The following MFSD11 variants were observed in gnomAD, a reference collection of about 807,000 sequenced individuals.
MFSD11 encodes UNC93-like protein MFSD11.
A neutral mutation model predicts 53.5 loss-of-function variants in MFSD11; 36 were observed. That is an observed-to-expected ratio of 0.67 (90% confidence interval 0.52 to 0.89). MFSD11 has a LOEUF of 0.89. Among genes scored for constraint, MFSD11 ranks in the 40% least tolerant of loss-of-function variants. MFSD11 has a pLI of 0.00. For missense variants in MFSD11, 530 were observed against 543.9 expected, an observed-to-expected ratio of 0.97 and a Z score of 0.25; for synonymous variants, 186 against 184.9, an observed-to-expected ratio of 1.01 and a Z score of -0.05.
At chr17:76,742,657 C>T (rs1327015087) in intron 5 of MFSD11, among the ~76,000 whole-genome samples, 1 of 152,078 alleles carries the variant, frequency 6.6e-6, no homozygotes, top group Admixed American at 6.6e-5. Context: ...CGCCCACCAC[C>T]ACGCCCGGCT....
chr17:76,768,943 G>A (rs143047770), intron 9 of MFSD11, among the ~76,000 whole-genome samples: 2,847 of 146,698 alleles, frequency 0.019, 83 homozygotes, highest in African/African-American at 0.067. Flanking sequence ...TTGAGATAGC[G>A]CCACTGCACT....
intron 10 of MFSD11, among the ~76,000 whole-genome samples, chr17:76,772,731 T>A (rs952457514): frequency 2.6e-5 from 4 of 152,100 alleles, no homozygotes; most frequent in African/African-American, 9.7e-5. Context: ...TTGGCCAGGC[T>A]GGTCTCAATC....
Position 76,743,390 on chromosome 17 carries a change from T to C in MFSD11, c.438-8T>C. The C allele has an allele frequency of 6.4e-7, 1 of 1,563,954 alleles. No individual in the cohort carries two copies. ...CCCAACATCCTATCCTCCCTTTTCT[T>C]CCCCCAGCTTGTTCTTTGGAAATCT... On this transcript the variant is annotated splice_polypyrimidine_tract_variant and splice_region_variant and intron_variant, in intron 5 of 12. Transcript: ENST00000685175.
intron 8 of MFSD11, among the ~76,000 whole-genome samples, chr17:76,755,784 G>A (rs62086791): frequency 0.43 from 9,652 of 22,362 alleles, 3,568 homozygotes; most frequent in East Asian, 0.74. Flanking sequence ...GTGTGTGTGT[G>A]TGTATACATA....
rs1416307575 is a variant in MFSD11 at position 76,776,983 on chromosome 17, A to G, written c.1185+442A>G. Among the ~76,000 whole-genome samples, 1 of 151,636 alleles carries G rather than the reference A, an allele frequency of 6.6e-6. No individual in the cohort carries two copies. Among genetic ancestry groups the G allele is most frequent in the Non-Finnish European group, 1.5e-5 (1 of 67,916 alleles). Reference sequence around the variant, plus strand: ...TTTTATTTTATTTTTTTTTAAAGACAAAGTCGGCCCGCCGCGGCTCACACT... The same window carrying G: ...TTTTATTTTATTTTTTTTTAAAGACGAAGTCGGCCCGCCGCGGCTCACACT... On this transcript the variant is annotated intron_variant, in intron 12 of 12. Transcript: ENST00000685175. The surrounding 1 kb of genome is among the most constrained non-coding windows in gnomAD (Gnocchi z 4.2).
intron 10 of MFSD11, among the ~76,000 whole-genome samples, chr17:76,772,497 A>G (rs567331684): frequency 6.6e-6 from 1 of 151,928 alleles, no homozygotes; most frequent in African/African-American, 2.4e-5. Flanking sequence ...TCTATTGTTA[A>G]CGCTCTACCT....
At chr17:76,775,961 T>C (rs1398543065) in intron 11 of MFSD11, among the ~76,000 whole-genome samples, 1 of 152,090 alleles carries the variant, frequency 6.6e-6, no homozygotes, top group African/African-American at 2.4e-5. Context: ...TTCTAGTCTT[T>C]ATGTTTTATT....
chr17:76,736,663 G>C (rs548868861), upstream of MFSD11: 2 of 1,207,412 alleles, frequency 1.7e-6, no homozygotes, highest in South Asian at 2.3e-5. Flanking sequence ...GGGGTGGCCG[G>C]AGGGTCGCGA....
chr17:76,789,667 C>T, the MFSD11 span, among the ~76,000 whole-genome samples: 2 of 149,864 alleles, frequency 1.3e-5, no homozygotes, highest in African/African-American at 2.4e-5. Context: ...GGTTGCCTGA[C>T]GACCTGATAG....
intron 4 of MFSD11, 24 bp downstream of exon 4, chr17:76,742,072 C>T (rs1224215821): frequency 5.6e-6 from 9 of 1,614,054 alleles, no homozygotes; most frequent in East Asian, 4.5e-5. Flanking sequence ...TTTTTAACTT[C>T]TCTGCTTTCT....
the MFSD11 span, among the ~76,000 whole-genome samples, chr17:76,796,471 C>T: frequency 2.0e-5 from 3 of 152,150 alleles, no homozygotes; most frequent in African/African-American, 7.2e-5. Flanking sequence ...TGATGACTTC[C>T]AACACCAAAT....
intron 9 of MFSD11, among the ~76,000 whole-genome samples, chr17:76,768,477 A>G (rs1361058303): frequency 1.3e-5 from 2 of 152,190 alleles, no homozygotes; most frequent in South Asian, 2.1e-4. Flanking sequence ...TAGATACAAC[A>G]TATTTTTAGG....
chr17:76,746,798 G>A (rs1048854470), intron 7 of MFSD11, among the ~76,000 whole-genome samples: 1 of 152,156 alleles, frequency 6.6e-6, no homozygotes, highest in African/African-American at 2.4e-5. Flanking sequence ...ACTGCTTATT[G>A]ACAATGTACC....
At chr17:76,780,502 G>C (rs1304828108), downstream of MFSD11, among the ~76,000 whole-genome samples, 1 of 150,196 alleles carries the variant, frequency 6.7e-6, no homozygotes, top group Non-Finnish European at 1.5e-5. Context: ...GTTGTCTTTT[G>C]GTTGTTGTGT....
chr17:76,756,388 T>C (rs967640209), intron 8 of MFSD11, among the ~76,000 whole-genome samples: 6 of 151,502 alleles, frequency 4.0e-5, no homozygotes, highest in Non-Finnish European at 7.4e-5. Context: ...CCTCCCAGAG[T>C]GCTGGGATTA....
chr17:76,799,956 T>TTTTC, the MFSD11 span, among the ~76,000 whole-genome samples: 1 of 96,362 alleles, frequency 1.0e-5, no homozygotes, highest in African/African-American at 3.4e-5. Context: ...TTCTTTTTCC[T>TTTTC]TTTTTTTTTT....
At chr17:76,743,501 A>T in intron 6 of MFSD11, 45 bp downstream of exon 6, 1 of 1,255,414 alleles carries the variant, frequency 8.0e-7, no homozygotes, top group Non-Finnish European at 1.1e-6. Context: ...TTCAAAGCAT[A>T]ATAGGAGTTA....
the MFSD11 span, among the ~76,000 whole-genome samples, chr17:76,792,584 G>A: frequency 5.4e-3 from 813 of 151,418 alleles, 28 homozygotes; most frequent in East Asian, 0.048. Flanking sequence ...GAGCAGGTAA[G>A]TGCAGATAAG....
At position 76,744,244 on chromosome 17, in the gene MFSD11, T is replaced by A. The variant is rs1011544910; in HGVS notation, c.497-78T>A. ...TAACGAGGAAGTGTGTTGACAGTTG[T>A]AAGCAGCCCTTGTACCGTGATACTA... On this transcript the variant is annotated intron_variant, in intron 6 of 12. Transcript: ENST00000685175. 4 of 1,394,776 alleles carry A rather than the reference T, an allele frequency of 2.9e-6. No individual in the cohort carries two copies. In the African/African-American group the frequency reaches 5.9e-5, roughly 21 times the overall value. The allele number at this position is 1,394,776 out of a possible 1,614,324, so 86.4% of individuals were successfully genotyped here.
Sources: allele counts gnomAD v4.1 joint callset (sites outside exome capture counted in the v4.1 genomes callset), GRCh38; gene constraint gnomAD v4.1.1; non-coding constraint Gnocchi (gnomAD v3.1); transcripts MANE v1.5; gene names NCBI Gene and HGNC (gene_info 2026-07-23, HGNC 2026-07-21).